The following CPLX2 variants were observed in gnomAD, a reference collection of about 807,000 sequenced individuals.
The protein encoded by CPLX2 is complexin 2, also known as complexin-2.
In CPLX2, 5 loss-of-function variants were observed where a neutral mutation model predicts 16.3. That is an observed-to-expected ratio of 0.31 (90% CI 0.16 to 0.64). The LOEUF (loss-of-function observed/expected upper bound fraction) is 0.64, where lower values mean the gene tolerates loss of function less well. Among genes scored for constraint, CPLX2 ranks in the 30% least tolerant of loss-of-function variants. The probability of loss-of-function intolerance (pLI) is 0.79; values close to 1 mark genes in which losing one functional copy is unlikely to be tolerated. For missense variants in CPLX2, 144 were observed against 181.4 expected, an observed-to-expected ratio of 0.79 and a Z score of 1.18; for synonymous variants, 89 against 73.2, an observed-to-expected ratio of 1.22 and a Z score of -1.10.
intron 2 of CPLX2, among the ~76,000 whole-genome samples, chr5:175,836,027 C>T (rs546786825): frequency 6.6e-6 from 1 of 152,238 alleles, no homozygotes; most frequent in South Asian, 2.1e-4. Flanking sequence ...GCATGAGTCA[C>T]CGCGCCCAGC....
chr5:175,837,890 G>T (rs1426743985), intron 2 of CPLX2: 1 of 152,216 alleles, frequency 6.6e-6, no homozygotes, highest in South Asian at 2.1e-4. Flanking sequence ...AACAGAGAAG[G>T]TCCCAGCTTC....
At chr5:175,835,526 C>G (rs1758813047) in intron 2 of CPLX2, among the ~76,000 whole-genome samples, 1 of 152,096 alleles carries the variant, frequency 6.6e-6, no homozygotes, top group Admixed American at 6.5e-5. Flanking sequence ...GCCAATATCC[C>G]TCATGAACAC....
At chr5:175,867,298 A>G (rs1317063131), upstream of CPLX2, among the ~76,000 whole-genome samples, 1 of 152,088 alleles carries the variant, frequency 6.6e-6, no homozygotes, top group Non-Finnish European at 1.5e-5. Flanking sequence ...AATAGCAGTG[A>G]CACATGTTCC....
chr5:175,829,647 C>T (rs991087455), intron 2 of CPLX2, among the ~76,000 whole-genome samples: 3 of 152,208 alleles, frequency 2.0e-5, no homozygotes, highest in Non-Finnish European at 2.9e-5. Context: ...ATAAAACTTC[C>T]GGCCACACAG....
intron 2 of CPLX2, among the ~76,000 whole-genome samples, chr5:175,814,254 G>A (rs752111502): frequency 1.3e-5 from 2 of 152,232 alleles, no homozygotes; most frequent in Non-Finnish European, 2.9e-5. Flanking sequence ...GGCAAAGGAG[G>A]CCCCATCCTA....
chr5:175,825,171 C>T (rs1758588257), intron 2 of CPLX2, among the ~76,000 whole-genome samples: 1 of 152,060 alleles, frequency 6.6e-6, no homozygotes, highest in African/African-American at 2.4e-5. Context: ...CCAAGACAGG[C>T]AGATCATGAG....
At chr5:175,864,451 T>C (rs1759429301) in intron 2 of CPLX2, among the ~76,000 whole-genome samples, 1 of 152,196 alleles carries the variant, frequency 6.6e-6, no homozygotes, top group Admixed American at 6.5e-5. Flanking sequence ...CAGAGCTCCC[T>C]CTTCACTAAG....
intron 1 of CPLX2, among the ~76,000 whole-genome samples, chr5:175,877,319 A>G (rs1327315602): frequency 1.3e-5 from 2 of 150,806 alleles, no homozygotes; most frequent in South Asian, 4.2e-4. Context: ...CTTGGGCCCC[A>G]TATCATGAAA....
upstream of CPLX2, chr5:175,871,456 A>AGAGAGGGAGAGAGAGAGG (rs1561790431): frequency 8.1e-6 from 1 of 122,758 alleles, no homozygotes; most frequent in African/African-American, 3.1e-5. Context: ...AGAGAGAGAG[A>AGAGAGGGAGAGAGAGAGG]GAGAGAGAGA....
At chr5:175,858,173 A>G (rs925170125) in intron 2 of CPLX2, among the ~76,000 whole-genome samples, 2 of 152,204 alleles carry the variant, frequency 1.3e-5, no homozygotes, top group African/African-American at 4.8e-5. Context: ...TCTGAAGAAC[A>G]GTACATAATA....
chr5:175,832,661 A>G (rs909094534), intron 2 of CPLX2, among the ~76,000 whole-genome samples: 16 of 152,208 alleles, frequency 1.1e-4, no homozygotes, highest in Admixed American at 2.6e-4. Flanking sequence ...AATCTTCCAA[A>G]CCCAGCAGGT....
chr5:175,812,623 G>A (rs971780318), intron 2 of CPLX2, among the ~76,000 whole-genome samples: 2 of 152,148 alleles, frequency 1.3e-5, no homozygotes, highest in African/African-American at 4.8e-5. Context: ...CCCAGAAGCT[G>A]CCCCTCAGGA....
At chr5:175,806,421 C>A (rs1021949367) in intron 1 of CPLX2, among the ~76,000 whole-genome samples, 1 of 152,258 alleles carries the variant, frequency 6.6e-6, no homozygotes, top group East Asian at 1.9e-4. Context: ...CTTAGAGAAA[C>A]CTGTGTTAGA....
chr5:175,829,243 A>G (rs575344091), intron 2 of CPLX2, among the ~76,000 whole-genome samples: 1 of 152,294 alleles, frequency 6.6e-6, no homozygotes, highest in Admixed American at 6.5e-5. Flanking sequence ...ACCGTCCCCA[A>G]CTTCTGGGGA....
chr5:175,799,539 CATATATATATATATATATAT>C lies in CPLX2; in HGVS notation c.-169+2773_-169+2792del, dbSNP rs70988299. Among the ~76,000 whole-genome samples, 101 of 72,264 alleles carry C rather than the reference CATATATATATATATATATAT, an allele frequency of 1.4e-3. 2 individuals carry two copies. In the Middle Eastern group the frequency reaches 0.021, roughly 15 times the overall value. The allele number at this position is 72,264 out of a possible 152,430, so 47.4% of individuals were successfully genotyped here. A position where few individuals can be genotyped will look rare whatever the true frequency, so the allele number is the denominator to read the frequency against. On this transcript the variant is annotated intron_variant, in intron 1 of 4. Transcript: ENST00000359546. ...ATCTTTGAGATCCCTTTGCAAATTT[CATATATATATATATATATAT>C]ATATATATATATATATAGTAATCAC...
chr5:175,877,465 C>A (rs1049711494), intron 1 of CPLX2, among the ~76,000 whole-genome samples: 1 of 152,114 alleles, frequency 6.6e-6, no homozygotes, highest in Non-Finnish European at 1.5e-5. Flanking sequence ...CATCTGCCAC[C>A]CTTTCCCAGG....
Position 175,872,557 on chromosome 5 carries a change from T to C in CPLX2, c.-89+852T>C, listed in dbSNP as rs1242173479. Among the ~76,000 whole-genome samples, 2 of 151,070 alleles carry C rather than the reference T, an allele frequency of 1.3e-5. No individual in the cohort carries two copies. The highest frequency in any genetic ancestry group is 3.9e-4 in the East Asian group (2 of 5,106). On this transcript the variant is annotated intron_variant, in intron 1 of 3. Coordinates refer to ENST00000393745, the MANE Select transcript of CPLX2 (RefSeq NM_001008220.2). The surrounding 1 kb of genome is among the most constrained non-coding windows in gnomAD (Gnocchi z 5.0). ...GGGGTCCGGGAGAGGGGCGCCGGGG[T>C]TCCTGTCCTCTCTTCTGGCCGGGAA... is the stretch of plus-strand genomic sequence containing the variant.
intron 1 of CPLX2, among the ~76,000 whole-genome samples, chr5:175,804,161 G>A (rs567057988): frequency 6.6e-6 from 1 of 152,334 alleles, no homozygotes; most frequent in Admixed American, 6.5e-5. Context: ...AAAGAGCAGG[G>A]ATTAGGGTGA....
intron 2 of CPLX2, among the ~76,000 whole-genome samples, chr5:175,825,438 CT>C (rs1166949013): frequency 3.3e-5 from 5 of 151,868 alleles, no homozygotes; most frequent in Non-Finnish European, 7.4e-5. Flanking sequence ...GGGCACAATA[CT>C]TAGAAATGGC....
Sources: gnomAD v4.1 joint callset for allele counts (sites outside exome capture counted in the v4.1 genomes callset) on GRCh38, gnomAD v4.1.1 for gene constraint, Gnocchi (gnomAD v3.1) non-coding constraint, MANE v1.5 for transcripts, NCBI Gene and HGNC (gene_info 2026-07-23, HGNC 2026-07-21) for gene names.